Variants in UPRT observed in about 807,000 individuals in gnomAD.
The protein encoded by UPRT is uracil phosphoribosyltransferase homolog.
Under a neutral mutation model 22.6 loss-of-function variants are expected in UPRT, and 5 were observed. That is an observed-to-expected ratio of 0.22 (90% CI 0.12 to 0.47). The LOEUF is 0.47. Ranked by LOEUF, UPRT falls within the 20% of genes least tolerant of loss-of-function variation. UPRT has a pLI of 0.99. For missense variants in UPRT, 181 were observed against 239.9 expected (o/e 0.75, Z 1.62); for synonymous variants, 77 against 87.7 (o/e 0.88, Z 0.68).
intron 4 of UPRT, among the ~76,000 whole-genome samples, chrX:75,257,777 A>T: frequency 9.0e-6 from 1 of 111,452 alleles, no homozygotes; most frequent in Middle Eastern, 4.6e-3. Flanking sequence ...CTTAAAAAAA[A>T]ATCTGAGGGA....
chrX:75,291,650 AC>A, intron 1 of UPRT: 1 of 149,347 alleles, frequency 6.7e-6, no homozygotes, highest in Non-Finnish European at 1.3e-5. Flanking sequence ...AAAAAAAAAA[AC>A]GAGGTCAACT....
intron 4 of UPRT, among the ~76,000 whole-genome samples, chrX:75,199,290 G>A (rs2082341330): frequency 1.8e-5 from 2 of 111,766 alleles, no homozygotes; most frequent in African/African-American, 6.5e-5. Flanking sequence ...TCCACTTGAG[G>A]AGAGAAGGAA....
intron 4 of UPRT, among the ~76,000 whole-genome samples, chrX:75,193,148 A>G (rs1364933725): frequency 8.9e-6 from 1 of 111,912 alleles, no homozygotes; most frequent in Non-Finnish European, 1.9e-5. Flanking sequence ...GACCTCTTTT[A>G]AGGCAGTACT....
chrX:75,201,556 G>T, intron 4 of UPRT: 1 of 121,587 alleles, frequency 8.2e-6, no homozygotes. Context: ...TTTATAAGTG[G>T]AAAGTCATAA....
At chrX:75,255,377 C>A (rs1464989344) in intron 4 of UPRT, among the ~76,000 whole-genome samples, 1 of 111,891 alleles carries the variant, frequency 8.9e-6, no homozygotes, top group East Asian at 2.8e-4. Flanking sequence ...TGAAACAAAT[C>A]CTGGAAACAC....
At chrX:75,239,608 T>C (rs1360520446) in intron 4 of UPRT, among the ~76,000 whole-genome samples, 1 of 110,844 alleles carries the variant, frequency 9.0e-6, no homozygotes, top group African/African-American at 3.3e-5. Flanking sequence ...TATGAAGCCA[T>C]GATCACCCTA....
At chrX:75,264,438 T>A (rs1313475210) in intron 4 of UPRT, among the ~76,000 whole-genome samples, 1 of 112,002 alleles carries the variant, frequency 8.9e-6, no homozygotes, top group East Asian at 2.8e-4. Flanking sequence ...TTAGGATAGT[T>A]AGCTCTTCTT....
upstream of UPRT, among the ~76,000 whole-genome samples, chrX:75,271,425 A>G (rs6647677): frequency 0.12 from 13,918 of 111,365 alleles, 1,534 homozygotes; most frequent in East Asian, 0.9. Context: ...ATGGTGCTGG[A>G]ATAATTGGCT....
At chrX:75,159,200 G>A (rs1400123865) in intron 1 of UPRT, among the ~76,000 whole-genome samples, 1 of 111,626 alleles carries the variant, frequency 9.0e-6, no homozygotes, top group East Asian at 2.8e-4. Context: ...CCACATATGA[G>A]TGAGAACATG....
chrX:75,242,446 G>A (rs1569272498), intron 4 of UPRT, among the ~76,000 whole-genome samples: 1 of 110,562 alleles, frequency 9.0e-6, no homozygotes, highest in Non-Finnish European at 1.9e-5. Context: ...GCTAAATCTA[G>A]TATTTCATGT....
rs1162178691 is a variant in UPRT, at chrX:75,274,659, G to A, written c.386+19G>A. On this transcript the variant is annotated intron_variant, in intron 1 of 6. Transcript: ENST00000373383. The stretch of plus-strand genomic sequence containing the variant: ...GTGACAAGTAAGCCAAGAGCGGAAG[G>A]GGAAAGGGAAGTGGAGGGTCTTGCA... 4.3e-6 allele frequency: 5 copies of A among 1,174,389 alleles called. No homozygotes were observed. The Admixed American group carries it at 7.1e-5, about 17-fold the overall frequency.
intron 4 of UPRT, among the ~76,000 whole-genome samples, chrX:75,246,874 T>A (rs985065162): frequency 8.9e-6 from 1 of 112,164 alleles, no homozygotes; most frequent in Non-Finnish European, 1.9e-5. Context: ...CATTTTTTCA[T>A]GTGTCTGTTG....
intron 4 of UPRT, among the ~76,000 whole-genome samples, chrX:75,247,083 A>G (rs2082509293): frequency 9.0e-6 from 1 of 111,475 alleles, no homozygotes; most frequent in Non-Finnish European, 1.9e-5. Flanking sequence ...ACTCTTCGTC[A>G]AAGTGTATGA....
At chrX:75,259,869 C>A (rs1219568930) in intron 4 of UPRT, among the ~76,000 whole-genome samples, 1 of 111,707 alleles carries the variant, frequency 9.0e-6, no homozygotes, top group Non-Finnish European at 1.9e-5. Flanking sequence ...GGTCGAGTTA[C>A]CCACAAAGGG....
intron 4 of UPRT, among the ~76,000 whole-genome samples, chrX:75,267,212 G>T (rs1276604065): frequency 1.8e-5 from 2 of 111,967 alleles, no homozygotes; most frequent in African/African-American, 6.5e-5. Context: ...TGATAGATTG[G>T]ATTAAGAAAA....
At position 75,215,830 on chromosome X, in the gene UPRT, G is replaced by A. The variant is rs1035951958; in HGVS notation, c.-447+47951G>A. On this transcript the variant is annotated intron_variant, in intron 4 of 13. Coordinates refer to the UPRT transcript ENST00000652605. ...ACTTCCTGTATCTGAAATAAAAGTT[G>A]AAATTTAAAGAAATACTAAAAATAA... 5.4e-5 allele frequency among the ~76,000 whole-genome samples: 6 copies of A among 110,477 alleles called. 1 individual carries two copies. The highest frequency in any genetic ancestry group is 8.5e-3 in the Middle Eastern group (2 of 234).
intron 1 of UPRT, among the ~76,000 whole-genome samples, chrX:75,159,335 C>A (rs755409412): frequency 8.9e-6 from 1 of 112,108 alleles, no homozygotes; most frequent in Admixed American, 9.4e-5. Context: ...TGTGTATGTA[C>A]ACCACATTTG....
At chrX:75,191,251 C>A (rs1214894283) in intron 4 of UPRT, among the ~76,000 whole-genome samples, 1 of 112,172 alleles carries the variant, frequency 8.9e-6, no homozygotes, top group Admixed American at 9.4e-5. Flanking sequence ...CACTCCAGAC[C>A]CTGTTTGCCT....
At chrX:75,199,192 C>T (rs1263410831) in intron 4 of UPRT, among the ~76,000 whole-genome samples, 2 of 112,175 alleles carry the variant, frequency 1.8e-5, no homozygotes, top group East Asian at 2.8e-4. Flanking sequence ...TACTGATACA[C>T]AAGCCAGGGA....
Sources: allele counts gnomAD v4.1 joint callset (sites outside exome capture counted in the v4.1 genomes callset), GRCh38; gene constraint gnomAD v4.1.1; transcripts MANE v1.5; gene names NCBI Gene and HGNC (gene_info 2026-07-23, HGNC 2026-07-21).